Variants in GKAP1 observed in about 807,000 individuals in gnomAD.
The protein encoded by GKAP1 is G kinase-anchoring protein 1.
In GKAP1, 31 loss-of-function variants were observed where a neutral mutation model predicts 56.7. The observed-to-expected ratio is 0.55, with a 90% CI of 0.41 to 0.74. The LOEUF is 0.74. GKAP1 is among the 30% of genes least tolerant of loss of function. The pLI is 0.00. For missense variants in GKAP1, 364 were observed against 402.3 expected (o/e 0.90, Z 0.82); for synonymous variants, 151 against 138.6 (o/e 1.09, Z -0.63).
chr9:83,768,768 T>C (rs776244733), intron 8 of GKAP1, 50 bp downstream of exon 8: 4 of 1,522,302 alleles, frequency 2.6e-6, no homozygotes, highest in Non-Finnish European at 3.6e-6. Context: ...AAAATAAAAA[T>C]TACATTTCAA....
At chr9:83,774,998 C>T (rs1943832375) in intron 7 of GKAP1, among the ~76,000 whole-genome samples, 2 of 134,158 alleles carry the variant, frequency 1.5e-5, no homozygotes, top group Non-Finnish European at 3.2e-5. Context: ...TGACCCACCG[C>T]GCCCGGCCCC....
intron 4 of GKAP1, among the ~76,000 whole-genome samples, chr9:83,795,220 C>G (rs1471195474): frequency 6.7e-6 from 1 of 149,696 alleles, no homozygotes; most frequent in Non-Finnish European, 1.5e-5. Context: ...CCATGCCCTA[C>G]GTATTTTTTT....
chr9:83,806,085 C>A (rs1318407937), intron 3 of GKAP1, among the ~76,000 whole-genome samples: 1 of 151,816 alleles, frequency 6.6e-6, no homozygotes, highest in Non-Finnish European at 1.5e-5. Context: ...CCACTGCACT[C>A]CAGCCTAGGT....
At chr9:83,768,542 C>T (rs1336637424) in intron 8 of GKAP1, among the ~76,000 whole-genome samples, 1 of 152,212 alleles carries the variant, frequency 6.6e-6, no homozygotes, top group Admixed American at 6.5e-5. Flanking sequence ...AAGGTCTTAT[C>T]CATCTTCGTG....
intron 12 of GKAP1, among the ~76,000 whole-genome samples, chr9:83,740,535 T>C (rs957284368): frequency 6.6e-6 from 1 of 152,194 alleles, no homozygotes; most frequent in African/African-American, 2.4e-5. Flanking sequence ...TACTTTATAA[T>C]AGTTGTATGT....
intron 10 of GKAP1, among the ~76,000 whole-genome samples, chr9:83,742,975 G>A (rs753525985): frequency 3.9e-5 from 6 of 152,074 alleles, no homozygotes; most frequent in Admixed American, 6.6e-5. Flanking sequence ...TGGCCAACAT[G>A]GCAAAACCCT....
In GKAP1 at chr9:83,746,724, T is replaced by A. The variant is rs144761295; in HGVS notation, c.904+1585A>T. On this transcript the variant is annotated intron_variant, in intron 10 of 12. Coordinates refer to ENST00000376371, the MANE Select transcript of GKAP1 (RefSeq NM_025211.4). ...ATAAATAAATAAATAAATAACAATT[T>A]AAAAAAATCACCTCTAGATTACCTA... Among the ~76,000 whole-genome samples, 6 of 151,886 alleles carry A rather than the reference T, an allele frequency of 4.0e-5. No homozygotes were observed. The East Asian group carries it at 9.7e-4, about 25-fold the overall frequency.
At chr9:83,781,906 C>G (rs1193235312) in intron 6 of GKAP1, among the ~76,000 whole-genome samples, 1 of 147,022 alleles carries the variant, frequency 6.8e-6, no homozygotes, top group African/African-American at 2.5e-5. Flanking sequence ...TGCAGCGGTA[C>G]GATCTCGGCT....
At position 83,816,031 on chromosome 9, in the gene GKAP1, CAAAA is replaced by C. The variant is rs72114457; in HGVS notation, c.-44+961_-44+964del. ...CGAAACACCGTCTGTATTAAAAATACAAAAAAAAAAAAAAAAAAAATTAGCCAGG... is the reference window on the plus strand; with the variant it reads ...CGAAACACCGTCTGTATTAAAAATACAAAAAAAAAAAAAAAATTAGCCAGG... On this transcript the variant is annotated intron_variant, in intron 2 of 12. Transcript: ENST00000376371. Among the ~76,000 whole-genome samples the C allele has an allele frequency of 5.5e-5, 5 of 91,438 alleles. No individual in the cohort carries two copies. The East Asian group carries it at 9.8e-4, about 18-fold the overall frequency. 60.0% of individuals were successfully genotyped at this position (91,438 alleles called of 152,430 possible). A position where few individuals can be genotyped will look rare whatever the true frequency, so the allele number is the denominator to read the frequency against.
At chr9:83,753,232 T>C in intron 9 of GKAP1, 26 bp downstream of exon 9, 2 of 1,329,234 alleles carry the variant, frequency 1.5e-6, no homozygotes, top group Non-Finnish European at 2.1e-6. Context: ...AATTATTTTC[T>C]TTAACAACAG....
chr9:83,768,993 T>G (rs371578648), intron 7 of GKAP1, 23 bp from the exon 8 acceptor site: 2 of 1,595,536 alleles, frequency 1.3e-6, no homozygotes, highest in African/African-American at 2.7e-5. Flanking sequence ...AATTACGATT[T>G]ACTATCATTC....
intron 3 of GKAP1, among the ~76,000 whole-genome samples, chr9:83,804,446 G>A (rs1587739528): frequency 1.5e-5 from 2 of 134,552 alleles, no homozygotes; most frequent in South Asian, 2.4e-4. Flanking sequence ...GGAGGTGAGG[G>A]GCGCCTCTGC....
chr9:83,767,388 C>G (rs2131265718), intron 8 of GKAP1, among the ~76,000 whole-genome samples: 1 of 150,184 alleles, frequency 6.7e-6, no homozygotes, highest in African/African-American at 2.4e-5. Flanking sequence ...GAGACGGAGT[C>G]TTGCTCTGTC....
At chr9:83,807,767 A>G (rs776865608) in intron 2 of GKAP1, among the ~76,000 whole-genome samples, 7 of 152,198 alleles carry the variant, frequency 4.6e-5, no homozygotes, top group Non-Finnish European at 7.3e-5. Context: ...ATTTCTTACT[A>G]TATTCACATT....
intron 5 of GKAP1, among the ~76,000 whole-genome samples, chr9:83,785,929 A>C (rs1408907557): frequency 6.6e-6 from 1 of 152,220 alleles, no homozygotes; most frequent in Non-Finnish European, 1.5e-5. Flanking sequence ...CTAGGTCCTT[A>C]AATGACAGTT....
chr9:83,799,131 G>GA, intron 4 of GKAP1, 54 bp downstream of exon 4: 2 of 1,527,944 alleles, frequency 1.3e-6, no homozygotes, highest in Non-Finnish European at 1.8e-6. Flanking sequence ...ACTGCCATGT[G>GA]AAAAATCCAT....
chr9:83,784,082 T>A (rs1006737779), intron 6 of GKAP1, among the ~76,000 whole-genome samples: 11 of 146,328 alleles, frequency 7.5e-5, no homozygotes, highest in Non-Finnish European at 1.3e-4. Flanking sequence ...CTGGGCAAGA[T>A]GGTGAAACCC....
At chr9:83,816,145 C>T (rs368469853) in intron 2 of GKAP1, among the ~76,000 whole-genome samples, 12 of 151,620 alleles carry the variant, frequency 7.9e-5, no homozygotes, top group Admixed American at 3.9e-4. Flanking sequence ...GCCGAGATCG[C>T]GCCATTACAC....
intron 7 of GKAP1, among the ~76,000 whole-genome samples, chr9:83,775,509 C>T (rs903333433): frequency 2.0e-5 from 3 of 152,076 alleles, no homozygotes; most frequent in African/African-American, 7.2e-5. Flanking sequence ...TCCCTCAACT[C>T]CTCAAGAAAA....
Sources: gnomAD v4.1 joint callset for allele counts (sites outside exome capture counted in the v4.1 genomes callset) on GRCh38, gnomAD v4.1.1 for gene constraint, MANE v1.5 for transcripts, NCBI Gene and HGNC (gene_info 2026-07-23, HGNC 2026-07-21) for gene names.